The following ESYT2 variants were observed in gnomAD, a reference collection of about 807,000 sequenced individuals.
ESYT2 encodes the protein extended synaptotagmin 2.
A neutral mutation model predicts 107.2 loss-of-function variants in ESYT2; 54 were observed. The observed-to-expected ratio is 0.50, with a 90% CI of 0.40 to 0.63. ESYT2 has a LOEUF of 0.63. ESYT2 is among the 30% of genes least tolerant of loss of function. The pLI, the probability that ESYT2 is intolerant of heterozygous loss-of-function variation, is 0.00. For missense variants in ESYT2, 1,020 were observed against 1,094.5 expected, an observed-to-expected ratio of 0.93 and a Z score of 0.96; for synonymous variants, 491 against 434.1, an observed-to-expected ratio of 1.13 and a Z score of -1.63.
intron 1 of ESYT2, among the ~76,000 whole-genome samples, chr7:158,820,995 C>G (rs1325652616): frequency 6.6e-6 from 1 of 152,246 alleles, no homozygotes; most frequent in Non-Finnish European, 1.5e-5. Flanking sequence ...CATCAAGACT[C>G]ATTTTTAATG....
chr7:158,763,666 G>A (rs918786599), intron 9 of ESYT2, among the ~76,000 whole-genome samples: 8 of 152,200 alleles, frequency 5.3e-5, no homozygotes, highest in African/African-American at 1.4e-4. Context: ...GGAGGTCACT[G>A]AAACACCTGC....
chr7:158,751,933 A>G (rs1320778879), intron 14 of ESYT2, among the ~76,000 whole-genome samples: 1 of 152,230 alleles, frequency 6.6e-6, no homozygotes, highest in East Asian at 1.9e-4. Context: ...AGTAACCCCT[A>G]GTAACCCACA....
chr7:158,773,505 A>G, intron 6 of ESYT2, 109 bp from the exon 7 acceptor site: 1 of 972,136 alleles, frequency 1.0e-6, no homozygotes, highest in Non-Finnish European at 1.6e-6. Context: ...TACACAACAC[A>G]GACCCACACC....
intron 1 of ESYT2, among the ~76,000 whole-genome samples, chr7:158,818,176 A>G (rs1263852131): frequency 6.6e-6 from 1 of 152,254 alleles, no homozygotes; most frequent in Non-Finnish European, 1.5e-5. Context: ...TAGAATAATT[A>G]AATGTTATAT....
intron 7 of ESYT2, among the ~76,000 whole-genome samples, chr7:158,771,208 C>T (rs1473739709): frequency 6.6e-6 from 1 of 152,186 alleles, no homozygotes; most frequent in Non-Finnish European, 1.5e-5. Flanking sequence ...TTTCAGGTTG[C>T]CAGTATTAAT....
At chr7:158,828,070 G>A (rs1840507784) in intron 1 of ESYT2, among the ~76,000 whole-genome samples, 1 of 152,046 alleles carries the variant, frequency 6.6e-6, no homozygotes, top group Admixed American at 6.6e-5. Flanking sequence ...CATTCACACT[G>A]GATTCAGGTC....
At chr7:158,814,582 G>A (rs1563038855) in intron 1 of ESYT2, among the ~76,000 whole-genome samples, 1 of 152,100 alleles carries the variant, frequency 6.6e-6, no homozygotes, top group Non-Finnish European at 1.5e-5. Flanking sequence ...ACCTCCTAAC[G>A]TATTTAAGAA....
chr7:158,764,757 T>C lies in ESYT2; in HGVS notation c.1021A>G (p.Ile341Val). Residue 341 changes from isoleucine (I) to valine (V), a missense_variant, in exon 9 of 23, where the codon ATC becomes GTC. Physicochemically the swap from Ile to Val is conservative, Grantham distance 29. Coordinates refer to ENST00000275418, the MANE Select transcript of ESYT2 (RefSeq NM_001367773.1). ...AAGATTTGGTTGCCAACTCTAATGATTCCATAGGGGTCTGACTTTCCCTTG... is the reference window on the plus strand; with the variant it reads ...AAGATTTGGTTGCCAACTCTAATGACTCCATAGGGGTCTGACTTTCCCTTG... ...LVKGKSDPYG[I>V]IRVGNQIFQS... 6.2e-7 allele frequency: 1 copy of C among 1,614,200 alleles called. No homozygotes were observed. The highest frequency in any genetic ancestry group is 1.1e-5 in the South Asian group (1 of 91,086).
chr7:158,755,622 T>G lies in ESYT2; in HGVS notation c.1420-2779A>C, dbSNP rs563654630. 7.2e-5 allele frequency among the ~76,000 whole-genome samples: 11 copies of G among 152,358 alleles called. No homozygotes were observed. The South Asian group carries it at 2.1e-3, about 29-fold the overall frequency. Reference sequence around the variant, plus strand: ...TCTTAAAAGTAACAGGATATGCTGCTGTTACTTTTAAGCAGTAAAACAGGT... The same window carrying G: ...TCTTAAAAGTAACAGGATATGCTGCGGTTACTTTTAAGCAGTAAAACAGGT... On this transcript the variant is annotated intron_variant, in intron 13 of 22. Coordinates refer to ENST00000275418, the MANE Select transcript of ESYT2 (RefSeq NM_001367773.1).
intron 6 of ESYT2, among the ~76,000 whole-genome samples, chr7:158,779,790 C>T (rs1294467850): frequency 6.6e-6 from 1 of 152,202 alleles, no homozygotes; most frequent in Non-Finnish European, 1.5e-5. Context: ...ACAGCCCAGG[C>T]CCATATTTGC....
intron 1 of ESYT2, among the ~76,000 whole-genome samples, chr7:158,814,737 A>G (rs1228340547): frequency 6.6e-6 from 1 of 152,198 alleles, no homozygotes; most frequent in Non-Finnish European, 1.5e-5. Context: ...TGCAAAGCAC[A>G]GGTTTTATGG....
Position 158,827,972 on chromosome 7 carries a change from G to A in ESYT2, c.330+1117C>T, listed in dbSNP as rs113921291. On this transcript the variant is annotated intron_variant, in intron 1 of 22. Transcript: ENST00000275418. ...TGTCTATAGTCCATAAATATACGAGGTAGAGAACTGCCGGGTTAAAAATAA... is the reference window on the plus strand; with the variant it reads ...TGTCTATAGTCCATAAATATACGAGATAGAGAACTGCCGGGTTAAAAATAA... Among the ~76,000 whole-genome samples the A allele has an allele frequency of 5.5e-3, 834 of 152,224 alleles. 16 individuals carry two copies. Among genetic ancestry groups the A allele is most frequent in the African/African-American group, 0.018 (760 of 41,524 alleles).
intron 15 of ESYT2, among the ~76,000 whole-genome samples, chr7:158,749,079 A>ACATATTC (rs1402111327): frequency 6.6e-6 from 1 of 151,972 alleles, no homozygotes; most frequent in East Asian, 1.9e-4. Context: ...TCAAGCAAAA[A>ACATATTC]CATATTCATC....
intron 7 of ESYT2, among the ~76,000 whole-genome samples, chr7:158,769,771 G>A (rs1476330826): frequency 1.3e-5 from 2 of 152,170 alleles, no homozygotes; most frequent in African/African-American, 2.4e-5. Flanking sequence ...CAAAGTTATG[G>A]TGTAGTGAAG....
Position 158,799,012 on chromosome 7 carries a change from T to C in ESYT2, c.372+19A>G. ...TCCAATTCCACTGATGGATGGTAGT[T>C]GGTATACTCTAATCTTACCTTATTT... is the stretch of plus-strand genomic sequence containing the variant. On this transcript the variant is annotated intron_variant, in intron 2 of 22. Coordinates refer to ENST00000275418, the MANE Select transcript of ESYT2 (RefSeq NM_001367773.1). 6.2e-7 allele frequency: 1 copy of C among 1,606,224 alleles called. No individual in the cohort carries two copies.
intron 2 of ESYT2, among the ~76,000 whole-genome samples, chr7:158,798,569 C>T (rs939150033): frequency 4.1e-5 from 6 of 145,256 alleles, no homozygotes; most frequent in Admixed American, 1.4e-4. Flanking sequence ...TCACTTGAAC[C>T]CAAGAGGTGG....
At chr7:158,736,634 G>A (rs996729782) in intron 20 of ESYT2, among the ~76,000 whole-genome samples, 1 of 152,104 alleles carries the variant, frequency 6.6e-6, no homozygotes, top group Non-Finnish European at 1.5e-5. Flanking sequence ...TGGAAATACA[G>A]TTGTTTTTCC....
rs149930795 is a variant in ESYT2 at position 158,798,155 on chromosome 7, G to A, written c.373-79C>T. The A allele has an allele frequency of 7.9e-4, 1,153 of 1,468,786 alleles. 10 individuals carry two copies. The African/African-American group carries it at 0.014, about 18-fold the overall frequency. 91.0% of individuals were successfully genotyped at this position (1,468,786 alleles called of 1,614,324 possible). On this transcript the variant is annotated intron_variant, in intron 2 of 22. Coordinates refer to ENST00000275418, the MANE Select transcript of ESYT2 (RefSeq NM_001367773.1). ...ACACGAGTGCTCGTGAGAAACCCTC[G>A]CAACAGACCAAACCTGGTTTTGAAA...
In ESYT2 at chr7:158,732,869, A is replaced by G. The variant is rs1836793400; in HGVS notation, c.*1338T>C. On this transcript the variant is annotated 3_prime_UTR_variant, in exon 23 of 23. Transcript: ENST00000275418. The stretch of plus-strand genomic sequence containing the variant: ...TTTCAGCATATAGCTTATAATATAC[A>G]CTTAATCGTCTACATATGTGCATTC... 1 of 152,294 alleles carries G rather than the reference A, an allele frequency of 6.6e-6. No individual in the cohort carries two copies. Among genetic ancestry groups the G allele is most frequent in the African/African-American group, 2.4e-5 (1 of 41,466 alleles). The allele number at this position is 152,294 out of a possible 1,614,324, so 9.4% of individuals were successfully genotyped here. A position where few individuals can be genotyped will look rare whatever the true frequency, so the allele number is the denominator to read the frequency against.
Sources: allele counts gnomAD v4.1 joint callset (sites outside exome capture counted in the v4.1 genomes callset), GRCh38; gene constraint gnomAD v4.1.1; transcripts MANE v1.5; gene names NCBI Gene and HGNC (gene_info 2026-07-23, HGNC 2026-07-21).